Variants in GDPD5 observed in about 807,000 individuals in gnomAD.
GDPD5 encodes glycerophosphodiester phosphodiesterase domain containing 5.
In GDPD5, 48 loss-of-function variants were observed where a neutral mutation model predicts 75.1. The observed-to-expected ratio is 0.64, with a 90% CI of 0.51 to 0.81. The LOEUF (loss-of-function observed/expected upper bound fraction) is 0.81. Among genes scored for constraint, GDPD5 ranks in the 40% least tolerant of loss-of-function variants. The pLI is 0.00. For missense variants in GDPD5, 706 were observed against 822.6 expected, an observed-to-expected ratio of 0.86 and a Z score of 1.73; for synonymous variants, 336 against 339.0, an observed-to-expected ratio of 0.99 and a Z score of 0.10.
chr11:75,442,194 G>C (rs993629699), intron 12 of GDPD5, among the ~76,000 whole-genome samples, 169 bp downstream of exon 12: 12 of 152,208 alleles, frequency 7.9e-5, no homozygotes, highest in Admixed American at 2.6e-4. Flanking sequence ...GTGTTTTCTT[G>C]TTCCCCTCTT....
chr11:75,477,498 C>G, intron 3 of GDPD5, 121 bp downstream of exon 3: 1 of 494,374 alleles, frequency 2.0e-6, no homozygotes, highest in East Asian at 3.3e-5. Context: ...AACTGAAACC[C>G]AGAAAGGCCA....
chr11:75,436,155 A>C (rs900140855), intron 16 of GDPD5, among the ~76,000 whole-genome samples: 2 of 152,136 alleles, frequency 1.3e-5, no homozygotes, highest in Admixed American at 1.3e-4. Flanking sequence ...TACCTCAAGG[A>C]CCAGGGTGGG....
At chr11:75,489,550 TATTTGTC>T (rs1262753779) in intron 2 of GDPD5, among the ~76,000 whole-genome samples, 1 of 152,236 alleles carries the variant, frequency 6.6e-6, no homozygotes, top group Non-Finnish European at 1.5e-5. Flanking sequence ...CCAAATCCAC[TATTTGTC>T]ATTCATTCCT....
rs1363169360 is a variant in GDPD5 at position 75,518,734 on chromosome 11, GGCA to G, written c.-145+6473_-145+6475del. 7.9e-5 allele frequency among the ~76,000 whole-genome samples: 12 copies of G among 152,272 alleles called. No homozygotes were observed. In the East Asian group the frequency reaches 2.1e-3, roughly 27 times the overall value. On this transcript the variant is annotated intron_variant, in intron 1 of 16. Coordinates refer to ENST00000336898, the MANE Select transcript of GDPD5 (RefSeq NM_030792.8). ...GGCCCCACAGCCAGCAACAAATCGAGGCAGCATGAGGGGTCCCCTGATTTCAGA... is the reference window on the plus strand; with the variant it reads ...GGCCCCACAGCCAGCAACAAATCGAGGCATGAGGGGTCCCCTGATTTCAGA...
chr11:75,499,017 G>A (rs35779721), intron 1 of GDPD5, among the ~76,000 whole-genome samples: 3,706 of 152,096 alleles, frequency 0.024, 151 homozygotes, highest in African/African-American at 0.085. Flanking sequence ...CTGCTTCTAC[G>A]TTTCCTATTC....
chr11:75,506,349 G>GA (rs1352371198), intron 1 of GDPD5, among the ~76,000 whole-genome samples: 1 of 152,160 alleles, frequency 6.6e-6, no homozygotes, highest in Non-Finnish European at 1.5e-5. Context: ...ATAGGAAAAG[G>GA]AAAATTCATC....
intron 2 of GDPD5, among the ~76,000 whole-genome samples, chr11:75,489,657 T>C (rs1319068592): frequency 2.0e-5 from 3 of 152,180 alleles, no homozygotes; most frequent in Admixed American, 2.0e-4. Flanking sequence ...AGATTGGAGG[T>C]TAAGGAAACT....
chr11:75,516,971 C>T (rs1950651228), intron 1 of GDPD5, among the ~76,000 whole-genome samples: 1 of 152,118 alleles, frequency 6.6e-6, no homozygotes, highest in South Asian at 2.1e-4. Context: ...CAGTTTGGTT[C>T]TAAGCTAAGG....
intron 6 of GDPD5, 70 bp from the exon 7 acceptor site, chr11:75,450,053 G>A (rs1321893013): frequency 6.4e-6 from 8 of 1,255,976 alleles, no homozygotes; most frequent in East Asian, 4.7e-5. Context: ...TCTGAGAGAG[G>A]AGCCAGAGGG....
rs567072447 is a variant in GDPD5 at position 75,483,456 on chromosome 11, C to G, written c.-60-5661G>C. 3.3e-5 allele frequency among the ~76,000 whole-genome samples: 5 copies of G among 152,298 alleles called. No homozygotes were observed. In the East Asian group the frequency reaches 7.7e-4, roughly 24 times the overall value. The stretch of plus-strand genomic sequence containing the variant: ...GGGACGCACTGGCCTGCTCCCCTAC[C>G]CTTTCTCCCTCCCATAACTGCCAGG... On this transcript the variant is annotated intron_variant, in intron 2 of 16. Coordinates refer to ENST00000336898, the MANE Select transcript of GDPD5 (RefSeq NM_030792.8).
chr11:75,463,702 G>C (rs1402160285), intron 3 of GDPD5, among the ~76,000 whole-genome samples: 1 of 152,202 alleles, frequency 6.6e-6, no homozygotes, highest in Non-Finnish European at 1.5e-5. Context: ...TAAAGTCACA[G>C]AGGCAGCCCT....
At chr11:75,453,401 G>A (rs952264949) in intron 6 of GDPD5, among the ~76,000 whole-genome samples, 1 of 152,074 alleles carries the variant, frequency 6.6e-6, no homozygotes, top group Non-Finnish European at 1.5e-5. Flanking sequence ...GGCGGATCAC[G>A]AGGTCAGGAG....
intron 9 of GDPD5, among the ~76,000 whole-genome samples, chr11:75,445,563 G>A (rs1948964849): frequency 6.6e-6 from 1 of 152,232 alleles, no homozygotes; most frequent in Non-Finnish European, 1.5e-5. Context: ...TGGTCGGAGG[G>A]AAGGAGGGAG....
At position 75,436,225 on chromosome 11, in the gene GDPD5, G is replaced by A. The variant is rs115367706; in HGVS notation, c.1670-570C>T. 1.3e-3 allele frequency among the ~76,000 whole-genome samples: 201 copies of A among 152,326 alleles called. 2 individuals are homozygous for A. Among genetic ancestry groups the A allele is most frequent in the African/African-American group, 4.7e-3 (195 of 41,574 alleles). The stretch of plus-strand genomic sequence containing the variant: ...TGCTGGACACAGAGCAGAGGCTCAA[G>A]AAAGCTCTGCTGAGTGGAGTTCGGC... On this transcript the variant is annotated intron_variant, in intron 16 of 16. Coordinates refer to ENST00000336898, the MANE Select transcript of GDPD5 (RefSeq NM_030792.8).
At chr11:75,486,231 T>A (rs147288624) in intron 2 of GDPD5, among the ~76,000 whole-genome samples, 2 of 152,268 alleles carry the variant, frequency 1.3e-5, no homozygotes, top group Admixed American at 6.5e-5. Context: ...CCCTGATCCC[T>A]CCCTGTTCTG....
At chr11:75,445,775 G>A (rs1252308838) in intron 9 of GDPD5, among the ~76,000 whole-genome samples, 2 of 152,198 alleles carry the variant, frequency 1.3e-5, no homozygotes, top group African/African-American at 4.8e-5. Context: ...GAGGGCTTTG[G>A]AACGGACTAA....
At chr11:75,522,642 C>T (rs904009968) in intron 1 of GDPD5, among the ~76,000 whole-genome samples, 32 of 152,128 alleles carry the variant, frequency 2.1e-4, no homozygotes, top group African/African-American at 7.5e-4. Context: ...CCAGATGACA[C>T]TTTCTCCCTG....
chr11:75,509,468 G>C (rs934089812), intron 1 of GDPD5, among the ~76,000 whole-genome samples: 4 of 152,240 alleles, frequency 2.6e-5, no homozygotes, highest in African/African-American at 9.6e-5. Context: ...AGCACTTCCT[G>C]AAAAGAGGTG....
chr11:75,501,735 AG>A (rs1950308627), intron 1 of GDPD5, among the ~76,000 whole-genome samples: 1 of 152,152 alleles, frequency 6.6e-6, no homozygotes, highest in African/African-American at 2.4e-5. Context: ...CTCCACAGAC[AG>A]GGCTGGGGGC....
Sources: gnomAD v4.1 joint callset for allele counts (sites outside exome capture counted in the v4.1 genomes callset) on GRCh38, gnomAD v4.1.1 for gene constraint, MANE v1.5 for transcripts, NCBI Gene and HGNC (gene_info 2026-07-23, HGNC 2026-07-21) for gene names.